SRD5A2: variants seen among roughly 807,000 people sequenced by gnomAD.
The protein encoded by SRD5A2 is steroid 5 alpha-reductase 2.
A neutral mutation model predicts 27.4 loss-of-function variants in SRD5A2; 30 were observed. The observed-to-expected ratio is 1.10, with a 90% CI of 0.82 to 1.49. The LOEUF (loss-of-function observed/expected upper bound fraction) is 1.49. SRD5A2 is among the 40% of genes most tolerant of loss of function. The pLI, the probability that SRD5A2 is intolerant of heterozygous loss-of-function variation, is 0.00. For synonymous variants in SRD5A2, 141 were observed against 133.6 expected, an observed-to-expected ratio of 1.06 and a Z score of -0.38; for missense variants, 348 against 323.4, an observed-to-expected ratio of 1.08 and a Z score of -0.58.
intron 1 of SRD5A2, among the ~76,000 whole-genome samples, chr2:31,545,746 C>T (rs1010129446): frequency 1.3e-5 from 2 of 152,180 alleles, no homozygotes; most frequent in Non-Finnish European, 2.9e-5. Context: ...CAAAGAGATA[C>T]AAATCAGAAA....
the SRD5A2 span, among the ~76,000 whole-genome samples, chr2:31,590,542 C>A: frequency 6.6e-6 from 1 of 152,124 alleles, no homozygotes; most frequent in Non-Finnish European, 1.5e-5. Flanking sequence ...CCCCATCAAG[C>A]TACCAATGAC....
At chr2:31,602,906 A>T in the SRD5A2 span, among the ~76,000 whole-genome samples, 1 of 152,134 alleles carries the variant, frequency 6.6e-6, no homozygotes, top group African/African-American at 2.4e-5. Flanking sequence ...ATCTGATACA[A>T]AAATTAACTC....
At chr2:31,634,757 TCCC>T in the SRD5A2 span, among the ~76,000 whole-genome samples, 1 of 152,108 alleles carries the variant, frequency 6.6e-6, no homozygotes, top group African/African-American at 2.4e-5. Flanking sequence ...CTTTTTTAGC[TCCC>T]ACATATAAAT....
At chr2:31,535,223 T>C (rs556413872) in intron 1 of SRD5A2, among the ~76,000 whole-genome samples, 1 of 152,262 alleles carries the variant, frequency 6.6e-6, no homozygotes, top group South Asian at 2.1e-4. Context: ...AGTTTCACCA[T>C]ATTGGCCAGG....
intron 1 of SRD5A2, among the ~76,000 whole-genome samples, chr2:31,535,900 A>G (rs575799373): frequency 1.5e-3 from 232 of 152,368 alleles, no homozygotes; most frequent in South Asian, 2.3e-3. Flanking sequence ...GTGGTTAAAA[A>G]GGTCAGGCTC....
At chr2:31,662,393 A>G in the SRD5A2 span, among the ~76,000 whole-genome samples, 1 of 152,064 alleles carries the variant, frequency 6.6e-6, no homozygotes, top group Non-Finnish European at 1.5e-5. Flanking sequence ...ATTATAGCTC[A>G]CTGCAGATTT....
chr2:31,649,578 A>G, the SRD5A2 span, among the ~76,000 whole-genome samples: 1 of 152,170 alleles, frequency 6.6e-6, no homozygotes, highest in Non-Finnish European at 1.5e-5. Flanking sequence ...ATATAATAGG[A>G]AACTACTGGG....
the SRD5A2 span, among the ~76,000 whole-genome samples, chr2:31,597,736 T>C: frequency 6.6e-6 from 1 of 152,036 alleles, no homozygotes; most frequent in African/African-American, 2.4e-5. Flanking sequence ...GAAATGCAAA[T>C]CAAAACCACA....
At chr2:31,561,422 T>A (rs1048185094) in intron 1 of SRD5A2, among the ~76,000 whole-genome samples, 2 of 152,190 alleles carry the variant, frequency 1.3e-5, no homozygotes, top group African/African-American at 4.8e-5. Flanking sequence ...GGCAGCCACA[T>A]CCCATTGTCA....
chr2:31,605,842 GT>G, the SRD5A2 span, among the ~76,000 whole-genome samples: 1,129 of 151,822 alleles, frequency 7.4e-3, 12 homozygotes, highest in African/African-American at 0.023. Flanking sequence ...AGAGATATCT[GT>G]ACTCTCATGT....
At chr2:31,546,509 C>T (rs1572639253) in intron 1 of SRD5A2, among the ~76,000 whole-genome samples, 1 of 4,282 alleles carries the variant, frequency 2.3e-4, no homozygotes, top group Non-Finnish European at 4.4e-4. Flanking sequence ...CAGCTAGAGG[C>T]CTTTATTCAA....
chr2:31,535,023 A>ATTT lies in SRD5A2; in HGVS notation c.282-1260_282-1258dup, dbSNP rs397775368. Among the ~76,000 whole-genome samples, 1,300 of 143,324 alleles carry ATTT rather than the reference A, an allele frequency of 9.1e-3. 30 individuals are homozygous for ATTT. Among genetic ancestry groups the ATTT allele is most frequent in the African/African-American group, 0.031 (1,225 of 38,998 alleles). The allele number at this position is 143,324 out of a possible 152,430, so 94.0% of individuals were successfully genotyped here. A position where few individuals can be genotyped will look rare whatever the true frequency, so the allele number is the denominator to read the frequency against. On this transcript the variant is annotated intron_variant, in intron 1 of 4. Transcript: ENST00000622030. ...CAGGTGTTGCATTATGTGTGAGTCA[A>ATTT]TTTTTTTTTTTTTTTTGAGATAGAG...
At chr2:31,622,672 A>C in the SRD5A2 span, among the ~76,000 whole-genome samples, 1 of 152,074 alleles carries the variant, frequency 6.6e-6, no homozygotes, top group East Asian at 1.9e-4. Context: ...TAATGGTTTT[A>C]CTGGGATTCA....
chr2:31,574,175 A>G (rs1666907120), intron 1 of SRD5A2, among the ~76,000 whole-genome samples: 2 of 152,298 alleles, frequency 1.3e-5, no homozygotes, highest in East Asian at 1.9e-4. Flanking sequence ...CGTTGCTGCC[A>G]CCCAAGTTTC....
At chr2:31,624,093 T>A in the SRD5A2 span, among the ~76,000 whole-genome samples, 1 of 152,024 alleles carries the variant, frequency 6.6e-6, no homozygotes, top group East Asian at 1.9e-4. Context: ...TGTTTTTAAT[T>A]TTTTAATTTT....
intron 4 of SRD5A2, among the ~76,000 whole-genome samples, chr2:31,526,777 C>G (rs1454456233): frequency 6.6e-6 from 1 of 152,030 alleles, no homozygotes; most frequent in Non-Finnish European, 1.5e-5. Context: ...ATGTTGAAGT[C>G]CTAACCCCCA....
the SRD5A2 span, among the ~76,000 whole-genome samples, chr2:31,624,336 GTTTT>G: frequency 2.0e-5 from 3 of 151,110 alleles, no homozygotes; most frequent in African/African-American, 7.3e-5. Flanking sequence ...CATCCTTTCT[GTTTT>G]TTTAACTTCT....
rs1000318261 is a variant in SRD5A2 at position 31,522,670 on chromosome 2, A to G, written c.*3526T>C. 9.0e-6 allele frequency: 2 copies of G among 221,760 alleles called. No individual in the cohort carries two copies. The highest frequency in any genetic ancestry group is 1.8e-5 in the Non-Finnish European group (2 of 110,926). 13.7% of individuals were successfully genotyped at this position (221,760 alleles called of 1,614,324 possible). ...AATCCACTCGATGGCTTATTAAATC[A>G]CCCAAGAACTCACATTGCCACCCGG... is the stretch of plus-strand genomic sequence containing the variant. On this transcript the variant is annotated 3_prime_UTR_variant, in exon 5 of 5. Transcript: ENST00000622030.
At chr2:31,532,223 C>T (rs1665922375) in intron 2 of SRD5A2, among the ~76,000 whole-genome samples, 1 of 152,174 alleles carries the variant, frequency 6.6e-6, no homozygotes, top group Admixed American at 6.6e-5. Flanking sequence ...TATGTAAGAA[C>T]TATGAATTCT....
Sources: allele counts gnomAD v4.1 joint callset (sites outside exome capture counted in the v4.1 genomes callset), GRCh38; gene constraint gnomAD v4.1.1; transcripts MANE v1.5; gene names NCBI Gene and HGNC (gene_info 2026-07-23, HGNC 2026-07-21).